The following USP6 variants were observed in gnomAD, a reference collection of about 807,000 sequenced individuals.
The protein encoded by USP6 is ubiquitin carboxyl-terminal hydrolase 6.
A neutral mutation model predicts 175.7 loss-of-function variants in USP6; 128 were observed. That is an observed-to-expected ratio of 0.73 (90% confidence interval 0.63 to 0.84). The LOEUF (loss-of-function observed/expected upper bound fraction) is 0.84, where lower values mean the gene tolerates loss of function less well. Among genes scored for constraint, USP6 ranks in the 40% least tolerant of loss-of-function variants. The pLI is 0.00. For missense variants in USP6, 1,498 were observed against 1,760.3 expected, an observed-to-expected ratio of 0.85 and a Z score of 2.67; for synonymous variants, 562 against 630.6, an observed-to-expected ratio of 0.89 and a Z score of 1.63.
At chr17:5,167,910 C>T in intron 33 of USP6, 22 bp from the exon 34 acceptor site, 3 of 1,602,114 alleles carry the variant, frequency 1.9e-6, no homozygotes, top group Non-Finnish European at 2.6e-6. Context: ...CACCCCTTTC[C>T]TCCTGTTCCC....
intron 19 of USP6, 142 bp from the exon 20 acceptor site, chr17:5,137,509 C>T: frequency 1.1e-6 from 1 of 885,724 alleles, no homozygotes; most frequent in Non-Finnish European, 1.8e-6. Context: ...AAGACCTTTT[C>T]TGACTCAGCA....
chr17:5,121,107 T>C (rs2143712655), intron 3 of USP6, among the ~76,000 whole-genome samples: 1 of 152,310 alleles, frequency 6.6e-6, no homozygotes, highest in Non-Finnish European at 1.5e-5. Context: ...GTGTCTCCAG[T>C]GTCCTAGGGA....
rs1255504323 is a variant in USP6, at chr17:5,170,618, A to C, written c.3657A>C (p.Ser1219=). ...LPQIGSKNKP[S]SSKKNLDASK... ...AGATTGGCAGCAAAAATAAGCCGTC[A>C]AGTAGTAAGAAGAACTTGGATGCCA... The change falls in exon 36 of 38, where the codon TCA becomes TCC. Residue 1219 remains serine (S), a synonymous_variant. Transcript: ENST00000574788. 1 of 1,613,600 alleles carries C rather than the reference A, an allele frequency of 6.2e-7. No individual in the cohort carries two copies. Among genetic ancestry groups the C allele is most frequent in the Non-Finnish European group, 8.5e-7 (1 of 1,179,876 alleles).
At position 5,133,889 on chromosome 17, in the gene USP6, C is replaced by A. The variant is rs766471110; in HGVS notation, c.387C>A (p.Ile129=). 1.2e-6 allele frequency: 2 copies of A among 1,613,968 alleles called. No individual in the cohort carries two copies. Among genetic ancestry groups the A allele is most frequent in the African/African-American group, 2.7e-5 (2 of 74,922 alleles). ...IKLKNPGRYQ[I]MKERGKRSSE... ...CTCCTCTTGGCCCTGCCCTACAGAT[C>A]ATGAAGGAGAGGGGCAAGAGGTCAT... The change falls in exon 15 of 38, where the codon ATC becomes ATA. Residue 129 remains isoleucine (I), a splice_region_variant and synonymous_variant. Transcript: ENST00000574788.
chr17:5,165,021 T>C (rs2074071296), intron 33 of USP6, among the ~76,000 whole-genome samples: 1 of 152,220 alleles, frequency 6.6e-6, no homozygotes, highest in African/African-American at 2.4e-5. Context: ...AATGCAGTTG[T>C]TGAAAATGAT....
At chr17:5,138,331 C>T (rs1170505090) in intron 21 of USP6, 58 bp downstream of exon 21, 7 of 1,606,936 alleles carry the variant, frequency 4.4e-6, no homozygotes, top group South Asian at 1.1e-5. Context: ...CAATAGTGGG[C>T]GGGTGCCCCG....
chr17:5,131,514 C>T (rs1430899512), intron 11 of USP6, among the ~76,000 whole-genome samples: 1 of 149,048 alleles, frequency 6.7e-6, no homozygotes, highest in Non-Finnish European at 1.5e-5. Context: ...TCTCTGAGGG[C>T]CCACCTACCC....
intron 22 of USP6, 103 bp from the exon 23 acceptor site, chr17:5,141,322 C>A: frequency 9.6e-7 from 1 of 1,043,592 alleles, no homozygotes; most frequent in Non-Finnish European, 1.4e-6. Context: ...TTTAAAACTT[C>A]CGATTTAGGA....
intron 32 of USP6, 143 bp downstream of exon 32, chr17:5,161,757 T>A: frequency 1.0e-6 from 1 of 959,470 alleles, no homozygotes; most frequent in Non-Finnish European, 1.5e-6. Context: ...GGCTCAGGCC[T>A]GTAATCCCAT....
rs189393349 is a variant in USP6 at position 5,116,071 on chromosome 17, C to T, written c.-2597C>T. Among the ~76,000 whole-genome samples, 354 of 152,346 alleles carry T rather than the reference C, an allele frequency of 2.3e-3. No homozygotes were observed. The highest frequency in any genetic ancestry group is 7.8e-3 in the African/African-American group (326 of 41,596). ...GCGGCGGGACGGGCGGGCCCCGACGCCCAGCTCCAAATGCGTGGCCGCTGT... is the reference window on the plus strand; with the variant it reads ...GCGGCGGGACGGGCGGGCCCCGACGTCCAGCTCCAAATGCGTGGCCGCTGT... On this transcript the variant is annotated 5_prime_UTR_variant, in exon 1 of 38. Coordinates refer to ENST00000574788, the MANE Select transcript of USP6 (RefSeq NM_001304284.2).
At chr17:5,144,184 C>T (rs1819114) in intron 25 of USP6, among the ~76,000 whole-genome samples, 74,996 of 151,716 alleles carry the variant, frequency 0.49, 20,797 homozygotes, top group Non-Finnish European at 0.64. Flanking sequence ...TAGGATGCAA[C>T]AAGACCAGAA....
intron 31 of USP6, among the ~76,000 whole-genome samples, chr17:5,159,090 C>A (rs939914657): frequency 5.3e-5 from 8 of 151,966 alleles, no homozygotes; most frequent in Non-Finnish European, 8.8e-5. Context: ...TGGACAAAAT[C>A]CTGGAATTAA....
chr17:5,159,531 G>C (rs2073962328), intron 31 of USP6, among the ~76,000 whole-genome samples: 1 of 152,170 alleles, frequency 6.6e-6, no homozygotes. Flanking sequence ...AGGAATAGCA[G>C]GTGGCATAAT....
intron 37 of USP6, among the ~76,000 whole-genome samples, 189 bp downstream of exon 37, chr17:5,171,868 A>G (rs1045917441): frequency 6.6e-6 from 1 of 152,192 alleles, no homozygotes; most frequent in African/African-American, 2.4e-5. Context: ...TAGTGAGGAA[A>G]AATAAAGAGT....
chr17:5,148,929 C>A (rs941868545), intron 30 of USP6, among the ~76,000 whole-genome samples, 162 bp downstream of exon 30: 4 of 151,974 alleles, frequency 2.6e-5, no homozygotes, highest in Admixed American at 6.6e-5. Flanking sequence ...ACTTTTCTAT[C>A]CTGTCCTCAA....
At position 5,168,864 on chromosome 17, in the gene USP6, T is replaced by G. The variant is rs1353984045; in HGVS notation, c.3326T>G (p.Phe1109Cys). Residue 1109 changes from phenylalanine to cysteine, a missense_variant, in exon 35 of 38, where the codon TTT becomes TGT. Coordinates refer to ENST00000574788, the MANE Select transcript of USP6 (RefSeq NM_001304284.2). ...CGGGAAAGTTTTGATCCGAGTGCTT[T>G]TTTGGTACCACGAGACCCGGCCCTC... ...FLRESFDPSA[F>C]LVPRDPALCQ... 1.2e-6 allele frequency: 2 copies of G among 1,613,416 alleles called. No homozygotes were observed. Among genetic ancestry groups the G allele is most frequent in the African/African-American group, 2.7e-5 (2 of 74,898 alleles).
At chr17:5,123,744 A>C (rs1402426646) in intron 4 of USP6, among the ~76,000 whole-genome samples, 3 of 152,164 alleles carry the variant, frequency 2.0e-5, no homozygotes, top group African/African-American at 7.2e-5. Flanking sequence ...GGACAATGCA[A>C]GTGCACGCAC....
chr17:5,167,301 G>C (rs1465491135), intron 33 of USP6, among the ~76,000 whole-genome samples: 2 of 152,138 alleles, frequency 1.3e-5, no homozygotes, highest in African/African-American at 4.8e-5. Context: ...CCCCTGGCTT[G>C]AGGGCCAGCT....
intron 29 of USP6, among the ~76,000 whole-genome samples, chr17:5,147,906 G>A (rs923354424): frequency 6.6e-5 from 10 of 151,912 alleles, no homozygotes; most frequent in Non-Finnish European, 1.3e-4. Context: ...TTGGAGAAAG[G>A]GTCTCACTCT....
Sources: gnomAD v4.1 joint callset for allele counts (sites outside exome capture counted in the v4.1 genomes callset) on GRCh38, gnomAD v4.1.1 for gene constraint, MANE v1.5 for transcripts, NCBI Gene and HGNC (gene_info 2026-07-23, HGNC 2026-07-21) for gene names.